RELN: variants seen among roughly 807,000 people sequenced by gnomAD.
The protein encoded by RELN is reelin.
RELN carries 108 observed loss-of-function variants against 427.6 expected under a neutral mutation model. The observed-to-expected ratio is 0.25, with a 90% CI of 0.22 to 0.30. RELN has a LOEUF of 0.30. RELN is among the 10% of genes least tolerant of loss of function. The pLI is 1.00. For synonymous variants in RELN, 1,524 were observed against 1,513.4 expected (o/e 1.01, Z -0.16); for missense variants, 3,715 against 4,302.8 (o/e 0.86, Z 3.82).
At chr7:103,579,552 T>C (rs1831080168) in intron 28 of RELN, among the ~76,000 whole-genome samples, 1 of 150,280 alleles carries the variant, frequency 6.7e-6, no homozygotes, top group Non-Finnish European at 1.5e-5. Context: ...TGAGCTAAGA[T>C]TGCGCCCCTG....
chr7:103,832,988 A>G (rs1793311256), intron 3 of RELN, among the ~76,000 whole-genome samples: 1 of 152,180 alleles, frequency 6.6e-6, no homozygotes. Context: ...TCTTTTAAAA[A>G]TTGATAACAC....
chr7:103,887,824 G>C (rs114771492), intron 2 of RELN, among the ~76,000 whole-genome samples: 84 of 152,260 alleles, frequency 5.5e-4, no homozygotes, highest in African/African-American at 1.9e-3. Context: ...AGAAGCACCA[G>C]AACTGGGGAA....
intron 2 of RELN, among the ~76,000 whole-genome samples, chr7:103,887,003 C>G (rs1794738929): frequency 6.6e-6 from 1 of 152,188 alleles, no homozygotes; most frequent in Non-Finnish European, 1.5e-5. Flanking sequence ...TTTTCTGTTT[C>G]ATGCAGATGT....
intron 50 of RELN, 110 bp from the exon 51 acceptor site, chr7:103,511,115 T>C: frequency 1.3e-6 from 1 of 745,230 alleles, no homozygotes; most frequent in Admixed American, 2.0e-5. Flanking sequence ...CTGCTCATAT[T>C]ATATACACTC....
intron 11 of RELN, among the ~76,000 whole-genome samples, chr7:103,676,878 G>A (rs114853787): frequency 0.016 from 2,442 of 152,128 alleles, 62 homozygotes; most frequent in African/African-American, 0.056. Flanking sequence ...ATCACACAGC[G>A]GGGCCTGTCA....
At chr7:103,729,614 T>C (rs1477675631) in intron 6 of RELN, among the ~76,000 whole-genome samples, 1 of 152,164 alleles carries the variant, frequency 6.6e-6, no homozygotes, top group African/African-American at 2.4e-5. Context: ...CCTTGGTTAC[T>C]GTGAAGCAAG....
At chr7:103,523,973 G>A (rs1289818046) in intron 46 of RELN, among the ~76,000 whole-genome samples, 1 of 152,174 alleles carries the variant, frequency 6.6e-6, no homozygotes, top group Non-Finnish European at 1.5e-5. Flanking sequence ...CACTGTGCCT[G>A]GCTGGCCATT....
At position 103,565,161 on chromosome 7, in the gene RELN, C is replaced by T. The variant is rs532503879; in HGVS notation, c.5210+117G>A. ...CTTGCACTTTTTTTTCTTCCTGGCA[C>T]TTCCATGCATAATTATCATGAAAGA... On this transcript the variant is annotated intron_variant, in intron 34 of 64. Transcript: ENST00000428762. 5 of 1,347,112 alleles carry T rather than the reference C, an allele frequency of 3.7e-6. No homozygotes were observed. In the African/African-American group the frequency reaches 7.2e-5, roughly 19 times the overall value. 83.4% of individuals were successfully genotyped at this position (1,347,112 alleles called of 1,614,324 possible).
intron 60 of RELN, among the ~76,000 whole-genome samples, chr7:103,486,853 C>T (rs985410463): frequency 1.1e-4 from 17 of 152,180 alleles, no homozygotes; most frequent in African/African-American, 3.6e-4. Context: ...TGTGGTGATT[C>T]CTCAAGGATC....
Position 103,596,497 on chromosome 7 carries a change from G to T in RELN, c.3498C>A (p.His1166Gln), listed in dbSNP as rs1831540210. 7.4e-6 allele frequency: 12 copies of T among 1,613,856 alleles called. No individual in the cohort carries two copies. Among genetic ancestry groups the T allele is most frequent in the Non-Finnish European group, 9.3e-6 (11 of 1,179,926 alleles). ...QYSNNGGIQW[H>Q]LLAEMYFSDF... is the part of the protein sequence containing the mutation. Reference sequence around the variant, plus strand: ...CTGAAAAGTACATCTCTGCTAGCAGGTGCCACTGGATGCCCCCATTGTTGC... The same window carrying T: ...CTGAAAAGTACATCTCTGCTAGCAGTTGCCACTGGATGCCCCCATTGTTGC... The change falls in exon 25 of 65, where the codon CAC becomes CAA. Residue 1166 changes from histidine to glutamine, a missense_variant. His to Gln is a conservative substitution (Grantham distance 24, BLOSUM62 0). Coordinates refer to ENST00000428762, the MANE Select transcript of RELN (RefSeq NM_005045.4).
Position 103,604,938 on chromosome 7 carries a change from T to A in RELN, c.3009-455A>T, listed in dbSNP as rs148396370. 3.3e-3 allele frequency among the ~76,000 whole-genome samples: 499 copies of A among 152,012 alleles called. 7 individuals are homozygous for A. Among genetic ancestry groups the A allele is most frequent in the African/African-American group, 0.011 (473 of 41,444 alleles). On this transcript the variant is annotated intron_variant, in intron 22 of 64. Coordinates refer to ENST00000428762, the MANE Select transcript of RELN (RefSeq NM_005045.4). ...TCCGCCTCCTGGGTTCAAGCCATTA[T>A]CTTGCCTCAGCCTCCCAAATAGCTG...
chr7:103,650,348 G>A lies in RELN; in HGVS notation c.1928C>T (p.Ala643Val). The A allele has an allele frequency of 6.2e-7, 1 of 1,612,860 alleles. No homozygotes were observed. The highest frequency in any genetic ancestry group is 8.5e-7 in the Non-Finnish European group (1 of 1,179,208). Residue 643 changes from alanine to valine, a missense_variant, in exon 16 of 65, where the codon GCA (alanine) becomes GTA (valine). Physicochemically the swap from Ala to Val is moderately conservative, Grantham distance 64 (BLOSUM62 0). Coordinates refer to ENST00000428762, the MANE Select transcript of RELN (RefSeq NM_005045.4). ...NRITIPLPNA[A>V]LTRNTRIRWR... Reference sequence around the variant, plus strand: ...GCGAATCCTGGTGTTCCGGGTTAGTGCTGCGTTAGGAAGGGGAATTGTTAT... The same window carrying A: ...GCGAATCCTGGTGTTCCGGGTTAGTACTGCGTTAGGAAGGGGAATTGTTAT...
rs146524081 is a variant in RELN, at chr7:103,546,739, T to C, written c.6303-1395A>G. Among the ~76,000 whole-genome samples the C allele has an allele frequency of 9.7e-4, 147 of 152,324 alleles. 2 individuals carry two copies. In the South Asian group the frequency reaches 0.015, roughly 15 times the overall value. On this transcript the variant is annotated intron_variant, in intron 41 of 64. Transcript: ENST00000428762. Reference sequence around the variant, plus strand: ...AAGGCACCCATATAGTGTTCACACATAGTAGATGCTCAGTAAATGTTTGTG... The same window carrying C: ...AAGGCACCCATATAGTGTTCACACACAGTAGATGCTCAGTAAATGTTTGTG...
chr7:103,507,243 C>T (rs1274272037), intron 51 of RELN, among the ~76,000 whole-genome samples: 1 of 152,152 alleles, frequency 6.6e-6, no homozygotes, highest in African/African-American at 2.4e-5. Context: ...TTCTTAGCAC[C>T]ACATTGCACT....
chr7:103,712,886 T>C (rs1387459674), intron 8 of RELN, among the ~76,000 whole-genome samples: 2 of 152,222 alleles, frequency 1.3e-5, no homozygotes, highest in South Asian at 2.1e-4. Context: ...GGGTAGTTTT[T>C]TTTTTATTTG....
chr7:103,925,219 T>A (rs968577810), intron 1 of RELN, among the ~76,000 whole-genome samples: 2 of 152,042 alleles, frequency 1.3e-5, no homozygotes, highest in Non-Finnish European at 2.9e-5. Context: ...AATTCCTAAA[T>A]AGTAATAGTA....
At chr7:103,813,729 C>G (rs1792800718) in intron 3 of RELN, among the ~76,000 whole-genome samples, 1 of 152,040 alleles carries the variant, frequency 6.6e-6, no homozygotes, top group South Asian at 2.1e-4. Context: ...AATATTGTAT[C>G]AGGAAGGTCT....
At position 103,753,786 on chromosome 7, in the gene RELN, C is replaced by G. The variant is rs376784512; in HGVS notation, c.545-572G>C. 8.5e-5 allele frequency among the ~76,000 whole-genome samples: 13 copies of G among 152,240 alleles called. No individual in the cohort carries two copies. In the East Asian group the frequency reaches 2.3e-3, roughly 27 times the overall value. ...CTTCTAAATTGTCTGCAAAAACCTACAAGAAAAATTTGAAGAATGTCTTGA... is the reference window on the plus strand; with the variant it reads ...CTTCTAAATTGTCTGCAAAAACCTAGAAGAAAAATTTGAAGAATGTCTTGA... On this transcript the variant is annotated intron_variant, in intron 4 of 64. Transcript: ENST00000428762.
intron 2 of RELN, among the ~76,000 whole-genome samples, chr7:103,865,545 T>C (rs1247393113): frequency 2.0e-5 from 3 of 152,150 alleles, no homozygotes; most frequent in African/African-American, 7.2e-5. Flanking sequence ...TACAGGACCA[T>C]ATTCCATGAT....
Sources: allele counts gnomAD v4.1 joint callset (sites outside exome capture counted in the v4.1 genomes callset), GRCh38; gene constraint gnomAD v4.1.1; transcripts MANE v1.5; gene names NCBI Gene and HGNC (gene_info 2026-07-23, HGNC 2026-07-21).